The following LINGO2 variants were observed in gnomAD, a reference collection of about 807,000 sequenced individuals.
LINGO2 encodes leucine-rich repeat and immunoglobulin-like domain-containing nogo receptor-interacting protein 2.
In LINGO2, 14 loss-of-function variants were observed where a neutral mutation model predicts 30.6. The ratio of observed to expected loss-of-function variants is 0.46; its 90% CI spans 0.30 to 0.72. The LOEUF (loss-of-function observed/expected upper bound fraction) is 0.72, where lower values mean the gene tolerates loss of function less well. Ranked by LOEUF, LINGO2 falls within the 30% of genes least tolerant of loss-of-function variation. The pLI, the probability that LINGO2 is intolerant of heterozygous loss-of-function variation, is 0.07. For synonymous variants in LINGO2, 317 were observed against 288.5 expected, an observed-to-expected ratio of 1.10 and a Z score of -1.00; for missense variants, 729 against 751.7, an observed-to-expected ratio of 0.97 and a Z score of 0.35.
chr9:29,059,535 T>C, the LINGO2 span, among the ~76,000 whole-genome samples: 4 of 151,428 alleles, frequency 2.6e-5, no homozygotes, highest in Non-Finnish European at 5.9e-5. Flanking sequence ...GACAGACAAA[T>C]AGACGAATGA....
chr9:28,174,388 G>A (rs895427840), intron 4 of LINGO2, among the ~76,000 whole-genome samples: 1 of 152,146 alleles, frequency 6.6e-6, no homozygotes, highest in African/African-American at 2.4e-5. Flanking sequence ...ACTTGCTCAT[G>A]AGTCTTTGCA....
intron 2 of LINGO2, among the ~76,000 whole-genome samples, chr9:28,458,115 TTAAAGAGATCAACA>T (rs1311376329): frequency 1.3e-5 from 2 of 152,172 alleles, no homozygotes; most frequent in East Asian, 3.8e-4. Flanking sequence ...TGGGACTACT[TTAAAGAGATCAACA>T]ACAAATTGCT....
At chr9:28,696,915 A>T in the LINGO2 span, among the ~76,000 whole-genome samples, 2 of 151,316 alleles carry the variant, frequency 1.3e-5, no homozygotes, top group Non-Finnish European at 3.0e-5. Flanking sequence ...CATGATCTAA[A>T]TTTTTTTTTC....
At position 28,636,021 on chromosome 9, in the gene LINGO2, G is replaced by C. The variant is rs370066263; in HGVS notation, c.-365+34179C>G. Among the ~76,000 whole-genome samples the C allele has an allele frequency of 9.9e-5, 15 of 151,968 alleles. No individual in the cohort carries two copies. In the East Asian group the frequency reaches 2.9e-3, roughly 29 times the overall value. ...CCCAGTGTGTGATGTTCCCCTTCCT[G>C]TGTCCAAGTGTTCTCATTGTTCACT... On this transcript the variant is annotated intron_variant, in intron 1 of 5. Transcript: ENST00000379992.
chr9:28,468,722 G>A (rs907968645), intron 2 of LINGO2, among the ~76,000 whole-genome samples: 4 of 152,108 alleles, frequency 2.6e-5, no homozygotes, highest in African/African-American at 9.7e-5. Context: ...TTATAAGAGG[G>A]AAAAGCATAC....
chr9:28,537,681 A>C (rs1331684193), intron 1 of LINGO2, among the ~76,000 whole-genome samples: 1 of 152,110 alleles, frequency 6.6e-6, no homozygotes, highest in East Asian at 1.9e-4. Flanking sequence ...AAAGACGTAA[A>C]GATAATAGAA....
At chr9:28,044,210 T>C (rs770026742) in intron 4 of LINGO2, among the ~76,000 whole-genome samples, 1 of 152,226 alleles carries the variant, frequency 6.6e-6, no homozygotes, top group African/African-American at 2.4e-5. Context: ...ATGTATCATT[T>C]GTAAAATGGG....
At chr9:28,050,364 T>G (rs1824616133) in intron 4 of LINGO2, among the ~76,000 whole-genome samples, 1 of 150,708 alleles carries the variant, frequency 6.6e-6, no homozygotes, top group African/African-American at 2.5e-5. Context: ...TCTGGAGTCT[T>G]GACAGCAAAA....
the LINGO2 span, among the ~76,000 whole-genome samples, chr9:28,799,848 G>A: frequency 6.6e-6 from 1 of 151,934 alleles, no homozygotes; most frequent in Non-Finnish European, 1.5e-5. Context: ...AGTACATTAG[G>A]AATAAGCCAT....
At chr9:28,800,874 G>T in the LINGO2 span, among the ~76,000 whole-genome samples, 2 of 151,992 alleles carry the variant, frequency 1.3e-5, no homozygotes, top group Admixed American at 6.6e-5. Context: ...TTATTTCCCA[G>T]CCAGTTCTAG....
the LINGO2 span, among the ~76,000 whole-genome samples, chr9:29,177,422 C>T: frequency 4.7e-3 from 722 of 152,186 alleles, 5 homozygotes; most frequent in African/African-American, 0.016. Context: ...CAAAATTTTA[C>T]GGTAGTTAAT....
At chr9:27,970,278 C>A (rs1304020150) in intron 5 of LINGO2, among the ~76,000 whole-genome samples, 1 of 152,048 alleles carries the variant, frequency 6.6e-6, no homozygotes, top group African/African-American at 2.4e-5. Context: ...ACATGTAGAC[C>A]CTCCCTCTTG....
chr9:28,615,087 A>C (rs1826080816), intron 1 of LINGO2, among the ~76,000 whole-genome samples: 1 of 152,130 alleles, frequency 6.6e-6, no homozygotes, highest in Admixed American at 6.5e-5. Flanking sequence ...TCTGTACCCT[A>C]CATGGGAGAA....
At chr9:28,061,338 T>A (rs1052190337) in intron 4 of LINGO2, among the ~76,000 whole-genome samples, 1 of 151,450 alleles carries the variant, frequency 6.6e-6, no homozygotes, top group African/African-American at 2.4e-5. Context: ...AGCCCAGAAT[T>A]TACCACCACA....
At chr9:28,666,985 C>T (rs1465412309) in intron 1 of LINGO2, among the ~76,000 whole-genome samples, 1 of 151,966 alleles carries the variant, frequency 6.6e-6, no homozygotes, top group Non-Finnish European at 1.5e-5. Context: ...TAAAAAGTAT[C>T]ACTTAGTATT....
Position 28,573,147 on chromosome 9 carries a change from G to A in LINGO2, c.-365+97053C>T, listed in dbSNP as rs190959266. On this transcript the variant is annotated intron_variant, in intron 1 of 5. Transcript: ENST00000379992. The stretch of plus-strand genomic sequence containing the variant: ...CAAGTGAAAGAACCAAGGACACACA[G>A]TAAAAGCTGAAGGCAATCTTGAATT... Among the ~76,000 whole-genome samples, 239 of 152,236 alleles carry A rather than the reference G, an allele frequency of 1.6e-3. 1 individual carries two copies. The highest frequency in any genetic ancestry group is 9.1e-4 in the Non-Finnish European group (62 of 68,000).
At chr9:28,361,663 C>T (rs1820450307) in intron 3 of LINGO2, among the ~76,000 whole-genome samples, 1 of 151,888 alleles carries the variant, frequency 6.6e-6, no homozygotes, top group African/African-American at 2.4e-5. Flanking sequence ...AAAAAAAAAG[C>T]TATTTGCCTC....
chr9:28,461,868 T>A (rs1825094880), intron 2 of LINGO2, among the ~76,000 whole-genome samples: 1 of 152,126 alleles, frequency 6.6e-6, no homozygotes, highest in Admixed American at 6.6e-5. Flanking sequence ...GCTCTACATA[T>A]TTATCTCATT....
At chr9:28,414,695 C>G (rs1466214087) in intron 2 of LINGO2, among the ~76,000 whole-genome samples, 2 of 152,088 alleles carry the variant, frequency 1.3e-5, no homozygotes, top group Admixed American at 6.6e-5. Context: ...TATTAATGAG[C>G]CATTTATTAA....
Sources: allele counts gnomAD v4.1 joint callset (sites outside exome capture counted in the v4.1 genomes callset), GRCh38; gene constraint gnomAD v4.1.1; transcripts MANE v1.5; gene names NCBI Gene and HGNC (gene_info 2026-07-23, HGNC 2026-07-21).